FER: variants seen among roughly 807,000 people sequenced by gnomAD.
FER encodes the protein tyrosine-protein kinase Fer.
Under a neutral mutation model 111.0 loss-of-function variants are expected in FER, and 63 were observed. The ratio of observed to expected loss-of-function variants is 0.57; its 90% confidence interval spans 0.46 to 0.70. The LOEUF (loss-of-function observed/expected upper bound fraction) is 0.70. Ranked by LOEUF, FER falls within the 30% of genes least tolerant of loss-of-function variation. FER has a pLI of 0.00. For missense variants in FER, 914 were observed against 954.0 expected (o/e 0.96, Z 0.55); for synonymous variants, 327 against 313.9 (o/e 1.04, Z -0.44).
chr5:108,844,772 T>G (rs1001670792), intron 5 of FER, among the ~76,000 whole-genome samples: 2 of 151,752 alleles, frequency 1.3e-5, no homozygotes, highest in Non-Finnish European at 2.9e-5. Flanking sequence ...ACACTCTATT[T>G]TGTCTGCCTT....
rs755276149 is a variant in FER, at chr5:108,959,265, C to G, written c.1574C>G (p.Pro525Arg). 8.1e-6 allele frequency: 13 copies of G among 1,611,648 alleles called. No homozygotes were observed. The South Asian group carries it at 1.4e-4, about 18-fold the overall frequency. Residue 525 changes from proline (P) to arginine (R), a missense_variant, in exon 13 of 20, where the codon CCT (proline) becomes CGT (arginine). Transcript: ENST00000281092. ...GAGGGCACTGGGTTTTCAAACATTC[C>G]TCAACTTATAGATCATCACTATACA... ...RFEGTGFSNIPQLIDHHYTTK... is the reference protein window; with the variant it reads ...RFEGTGFSNIRQLIDHHYTTK...
At chr5:108,945,699 C>G (rs1269690584) in intron 10 of FER, among the ~76,000 whole-genome samples, 1 of 148,320 alleles carries the variant, frequency 6.7e-6, no homozygotes, top group Non-Finnish European at 1.5e-5. Context: ...TACTTTTATT[C>G]CTGTTTTTTT....
At chr5:108,885,221 A>G (rs1282797585) in intron 9 of FER, among the ~76,000 whole-genome samples, 1 of 151,998 alleles carries the variant, frequency 6.6e-6, no homozygotes, top group Non-Finnish European at 1.5e-5. Context: ...TCTTAGAAGT[A>G]TCCTAAATTC....
intron 1 of FER, among the ~76,000 whole-genome samples, chr5:108,764,027 A>G (rs577880211): frequency 5.6e-4 from 85 of 152,302 alleles, no homozygotes; most frequent in African/African-American, 2.0e-3. Flanking sequence ...TAACATACCT[A>G]TTCCTAAACT....
At chr5:108,816,623 G>T (rs1758309895) in intron 3 of FER, among the ~76,000 whole-genome samples, 1 of 152,094 alleles carries the variant, frequency 6.6e-6, no homozygotes, top group Non-Finnish European at 1.5e-5. Flanking sequence ...CATAAGCCCT[G>T]TGGTTTTTAT....
intron 5 of FER, among the ~76,000 whole-genome samples, chr5:108,863,971 C>G (rs1257058681): frequency 6.6e-6 from 1 of 152,102 alleles, no homozygotes; most frequent in Non-Finnish European, 1.5e-5. Flanking sequence ...CCTCCTGCCA[C>G]TCTAGTTTTA....
chr5:108,850,019 G>A (rs993413874), intron 5 of FER, among the ~76,000 whole-genome samples: 2 of 151,816 alleles, frequency 1.3e-5, no homozygotes, highest in Admixed American at 6.6e-5. Flanking sequence ...GTGAAACCCC[G>A]TCTCTACTAA....
At chr5:108,849,851 G>C (rs1220050548) in intron 5 of FER, among the ~76,000 whole-genome samples, 1 of 152,114 alleles carries the variant, frequency 6.6e-6, no homozygotes, top group Non-Finnish European at 1.5e-5. Context: ...TCATGACAGA[G>C]AGAATAATAA....
At chr5:108,938,432 C>T (rs1755814407) in intron 10 of FER, among the ~76,000 whole-genome samples, 1 of 151,648 alleles carries the variant, frequency 6.6e-6, no homozygotes, top group African/African-American at 2.4e-5. Flanking sequence ...AATGAGTTGG[C>T]CAGATATTTA....
intron 13 of FER, among the ~76,000 whole-genome samples, chr5:108,960,962 C>T (rs1475837898): frequency 6.6e-6 from 1 of 152,096 alleles, no homozygotes; most frequent in Non-Finnish European, 1.5e-5. Context: ...GTGGCACATG[C>T]CTGTAGTCCC....
intron 10 of FER, among the ~76,000 whole-genome samples, chr5:108,941,270 C>T (rs896343440): frequency 1.3e-5 from 2 of 152,158 alleles, no homozygotes; most frequent in Non-Finnish European, 2.9e-5. Context: ...ACAGCTCCAA[C>T]TCTCCAGCAG....
intron 5 of FER, among the ~76,000 whole-genome samples, chr5:108,856,655 C>G (rs950192877): frequency 1.2e-4 from 18 of 152,100 alleles, no homozygotes; most frequent in Non-Finnish European, 1.5e-4. Context: ...CTCACATAAC[C>G]TAGGACACCA....
At chr5:109,127,479 C>G (rs1437552898) in intron 17 of FER, among the ~76,000 whole-genome samples, 16 of 152,186 alleles carry the variant, frequency 1.1e-4, no homozygotes, top group Admixed American at 1.0e-3. Context: ...TCTCGGCTCA[C>G]TGCAATCTCC....
intron 17 of FER, among the ~76,000 whole-genome samples, chr5:109,168,044 T>A (rs1359209177): frequency 6.6e-6 from 1 of 152,210 alleles, no homozygotes; most frequent in Non-Finnish European, 1.5e-5. Context: ...CTGTATGTTT[T>A]CTGAGACCAC....
intron 5 of FER, among the ~76,000 whole-genome samples, chr5:108,844,998 A>G (rs74358842): frequency 0.017 from 232 of 13,324 alleles, 1 homozygote; most frequent in East Asian, 0.039. Context: ...GTGTGTGTGT[A>G]TATATATATA....
intron 8 of FER, among the ~76,000 whole-genome samples, chr5:108,873,559 T>C (rs930588852): frequency 6.6e-5 from 10 of 152,172 alleles, no homozygotes; most frequent in African/African-American, 2.4e-4. Context: ...TGACTACTGG[T>C]GAGAGCAATG....
At chr5:109,028,959 A>G (rs1396596244) in intron 13 of FER, among the ~76,000 whole-genome samples, 1 of 152,190 alleles carries the variant, frequency 6.6e-6, no homozygotes, top group Non-Finnish European at 1.5e-5. Flanking sequence ...TAGAATGGAT[A>G]TTTATGTTTA....
In FER at chr5:108,871,378, G is replaced by A. The variant is rs1434823555; in HGVS notation, c.679G>A (p.Asp227Asn). Residue 227 changes from aspartate to asparagine, a missense_variant, in exon 7 of 20, where the codon GAT becomes AAT. Asp to Asn is a conservative substitution (Grantham distance 23). Transcript: ENST00000281092. ...EMIKALKGIF[D>N]EYSQITSLVT... ...TTTTGTTTTCAGCAAAGGTATATTTGATGAATACAGCCAGATAACCAGTCT... is the reference window on the plus strand; with the variant it reads ...TTTTGTTTTCAGCAAAGGTATATTTAATGAATACAGCCAGATAACCAGTCT... The A allele has an allele frequency of 6.2e-7, 1 of 1,608,338 alleles. No individual in the cohort carries two copies. Among genetic ancestry groups the A allele is most frequent in the Non-Finnish European group, 8.5e-7 (1 of 1,177,490 alleles).
At chr5:109,163,624 A>T (rs976614602) in intron 17 of FER, among the ~76,000 whole-genome samples, 21 of 152,014 alleles carry the variant, frequency 1.4e-4, no homozygotes, top group Admixed American at 7.9e-4. Flanking sequence ...ACATTTTTTT[A>T]AAATTAGAGA....
Sources: gnomAD v4.1 joint callset for allele counts (sites outside exome capture counted in the v4.1 genomes callset) on GRCh38, gnomAD v4.1.1 for gene constraint, MANE v1.5 for transcripts, NCBI Gene and HGNC (gene_info 2026-07-23, HGNC 2026-07-21) for gene names.